TOP3B: variants seen among roughly 807,000 people sequenced by gnomAD.
TOP3B encodes the protein DNA topoisomerase 3-beta-1.
TOP3B carries 45 observed loss-of-function variants against 93.9 expected under a neutral mutation model. That is an observed-to-expected ratio of 0.48 (90% CI 0.38 to 0.61). The LOEUF (loss-of-function observed/expected upper bound fraction) is 0.61. TOP3B is among the 20% of genes least tolerant of loss of function. The probability of loss-of-function intolerance (pLI) is 0.00; values close to 1 mark genes in which losing one functional copy is unlikely to be tolerated. For missense variants in TOP3B, 750 were observed against 1,156.1 expected (o/e 0.65, Z 5.09); for synonymous variants, 357 against 472.6 (o/e 0.76, Z 3.17).
rs1224616616 is a variant in TOP3B at position 21,982,756 on chromosome 22, C to G, written c.-125G>C. The G allele has an allele frequency of 6.6e-6, 1 of 152,258 alleles. No homozygotes were observed. The highest frequency in any genetic ancestry group is 1.5e-5 in the Non-Finnish European group (1 of 68,048). 9.4% of individuals were successfully genotyped at this position (152,258 alleles called of 1,614,324 possible). A position where few individuals can be genotyped will look rare whatever the true frequency, so the allele number is the denominator to read the frequency against. ...CACAGCCGCACCGCGGATCCAGCTC[C>G]GGTCCTTGTTCCCGGGGCGGCTACC... On this transcript the variant is annotated 5_prime_UTR_variant, in exon 1 of 18. Coordinates refer to ENST00000357179, the MANE Select transcript of TOP3B (RefSeq NM_001282112.2).
intron 8 of TOP3B, chr22:21,966,396 G>C (rs1041559529): frequency 6.6e-6 from 1 of 152,226 alleles, no homozygotes; most frequent in African/African-American, 2.4e-5. Context: ...AAGCTACAGG[G>C]ATGGCAAGTG....
rs777280018 is a variant in TOP3B at position 21,963,898 on chromosome 22, A to G, written c.1204+25T>C. On this transcript the variant is annotated intron_variant, in intron 11 of 17. Coordinates refer to ENST00000357179, the MANE Select transcript of TOP3B (RefSeq NM_001282112.2). This position sits in a 1 kb window ranked among gnomAD's most constrained non-coding sequence, Gnocchi z 4.8. Reference sequence around the variant, plus strand: ...CTCGCCCTTCCCTCCCTGGAAGCACACCGGGTATGGGATGAGAGCGGTACC... The same window carrying G: ...CTCGCCCTTCCCTCCCTGGAAGCACGCCGGGTATGGGATGAGAGCGGTACC... 2.5e-6 allele frequency: 4 copies of G among 1,610,012 alleles called. No individual in the cohort carries two copies. Among genetic ancestry groups the G allele is most frequent in the East Asian group, 4.5e-5 (2 of 44,848 alleles).
At chr22:21,959,464 C>G in intron 15 of TOP3B, 123 bp downstream of exon 15, 2 of 1,512,148 alleles carry the variant, frequency 1.3e-6, no homozygotes, top group African/African-American at 1.4e-5. Flanking sequence ...CTGACCTGGC[C>G]TACGGAGGCC....
chr22:21,981,074 A>C (rs760630881), intron 1 of TOP3B, among the ~76,000 whole-genome samples: 5 of 152,206 alleles, frequency 3.3e-5, no homozygotes, highest in Non-Finnish European at 7.4e-5. Context: ...GCAGAGGGGC[A>C]TTGTTCTGTG....
intron 1 of TOP3B, among the ~76,000 whole-genome samples, chr22:21,979,479 C>CT (rs2084570144): frequency 6.6e-6 from 1 of 152,068 alleles, no homozygotes; most frequent in Non-Finnish European, 1.5e-5. Flanking sequence ...CATGTGGACT[C>CT]TGAGTCCCCA....
chr22:21,968,139 T>G (rs2071488900), intron 7 of TOP3B: 3 of 249,034 alleles, frequency 1.2e-5, no homozygotes. Context: ...CGTAGCTCAC[T>G]GTAGCCTTGG....
At chr22:21,978,416 A>G (rs192712945) in intron 1 of TOP3B, among the ~76,000 whole-genome samples, 104 of 152,310 alleles carry the variant, frequency 6.8e-4, no homozygotes, top group African/African-American at 2.3e-3. Flanking sequence ...TCATCTTTAC[A>G]AAAAAGCAAA....
Position 21,970,194 on chromosome 22 carries a change from C to CGGGT in TOP3B, c.581+12_581+15dup. The CGGGT allele has an allele frequency of 4.4e-6, 7 of 1,606,386 alleles. No homozygotes were observed. The highest frequency in any genetic ancestry group is 5.9e-6 in the Non-Finnish European group (7 of 1,179,184). ...GAGTGAGGGTGTGCCCAGGACTCTG[C>CGGGT]GGGTGTGGCCAGCACCTGGTGAATG... On this transcript the variant is annotated intron_variant, in intron 6 of 17. Transcript: ENST00000357179. This position sits in a 1 kb window ranked among gnomAD's most constrained non-coding sequence, Gnocchi z 4.4.
In TOP3B at chr22:21,970,104, C is replaced by A. The variant is rs2071573047; in HGVS notation, c.581+106G>T. 7.7e-7 allele frequency: 1 copy of A among 1,306,396 alleles called. No homozygotes were observed. 80.9% of individuals were successfully genotyped at this position (1,306,396 alleles called of 1,614,324 possible). On this transcript the variant is annotated intron_variant, in intron 6 of 17. Coordinates refer to ENST00000357179, the MANE Select transcript of TOP3B (RefSeq NM_001282112.2). This position sits in a 1 kb window ranked among gnomAD's most constrained non-coding sequence, Gnocchi z 4.4. ...GTTGGTGAAATCCCCTGTTGCTCAT[C>A]CTGGCTCGAGGAGGCCTAGGGGCCC...
At chr22:21,960,151 G>T in intron 14 of TOP3B, 170 bp downstream of exon 14, 2 of 984,700 alleles carry the variant, frequency 2.0e-6, no homozygotes, top group Non-Finnish European at 3.0e-6. Flanking sequence ...GCTCTGGGCA[G>T]GTCCTGGGGG....
intron 1 of TOP3B, 139 bp from the exon 2 acceptor site, chr22:21,975,946 G>C (rs897437103): frequency 2.2e-6 from 1 of 454,538 alleles, no homozygotes; most frequent in Non-Finnish European, 3.4e-6. Flanking sequence ...AGGGAAACTT[G>C]AAGACATCTG....
At chr22:21,965,245 G>C (rs765755281) in intron 9 of TOP3B, 40 bp downstream of exon 9, 2 of 1,501,368 alleles carry the variant, frequency 1.3e-6, no homozygotes, top group East Asian at 4.9e-5. Context: ...ACCTGCCTCA[G>C]GAAGCCTTCT....
At chr22:21,964,974 C>T (rs187055896) in intron 9 of TOP3B, 194 of 236,494 alleles carry the variant, frequency 8.2e-4, no homozygotes, top group African/African-American at 4.0e-3. Flanking sequence ...ACCCCCTCCT[C>T]GTTACTAAGG....
chr22:21,971,995 T>A lies in TOP3B; in HGVS notation c.310-44A>T. Reference sequence around the variant, plus strand: ...TCACACGTACCTGCTGCAGACCCGGTCTGTGCCACCCGCCCCCAGTGCTCC... The same window carrying A: ...TCACACGTACCTGCTGCAGACCCGGACTGTGCCACCCGCCCCCAGTGCTCC... On this transcript the variant is annotated intron_variant, in intron 4 of 17. Transcript: ENST00000357179. This position sits in a 1 kb window ranked among gnomAD's most constrained non-coding sequence, Gnocchi z 4.6. 6.4e-7 allele frequency: 1 copy of A among 1,568,104 alleles called. No individual in the cohort carries two copies. Among genetic ancestry groups the A allele is most frequent in the Non-Finnish European group, 8.7e-7 (1 of 1,147,180 alleles).
chr22:21,975,331 G>A (rs1228137888), intron 2 of TOP3B: 4 of 262,654 alleles, frequency 1.5e-5, no homozygotes, highest in South Asian at 6.9e-5. Context: ...TCCTGGCTGC[G>A]TCTCCTTCCT....
chr22:21,964,424 G>T, intron 9 of TOP3B, 109 bp from the exon 10 acceptor site: 1 of 1,355,346 alleles, frequency 7.4e-7, no homozygotes, highest in Non-Finnish European at 1.0e-6. Context: ...CTCCTGGAGG[G>T]TGACGGTGGC....
At chr22:21,974,620 G>C (rs1176941176) in intron 2 of TOP3B, 132 bp from the exon 3 acceptor site, 2 of 1,019,032 alleles carry the variant, frequency 2.0e-6, no homozygotes, top group Admixed American at 5.7e-5. Flanking sequence ...ACGACATTCC[G>C]CAGACTGGTG....
rs952687427 is a variant in TOP3B at position 21,958,848 on chromosome 22, C to T, written c.1906-155G>A. The T allele has an allele frequency of 2.2e-5, 29 of 1,299,014 alleles. 1 individual carries two copies. The highest frequency in any genetic ancestry group is 5.5e-4 in the Middle Eastern group (2 of 3,632). The allele number at this position is 1,299,014 out of a possible 1,614,324, so 80.5% of individuals were successfully genotyped here. A position where few individuals can be genotyped will look rare whatever the true frequency, so the allele number is the denominator to read the frequency against. On this transcript the variant is annotated intron_variant, in intron 16 of 17. Transcript: ENST00000357179. Reference sequence around the variant, plus strand: ...GCATGAGTCTCTGGCTCTTGCTCCACGCGTGCAGAAAAGGCAGTTCTAAAA... The same window carrying T: ...GCATGAGTCTCTGGCTCTTGCTCCATGCGTGCAGAAAAGGCAGTTCTAAAA...
chr22:21,959,783 G>A (rs2071088346), intron 14 of TOP3B, 47 bp from the exon 15 acceptor site: 3 of 1,587,626 alleles, frequency 1.9e-6, no homozygotes, highest in African/African-American at 2.7e-5. Flanking sequence ...CTCGCACCCA[G>A]GGCCATGCCA....
Sources: allele counts gnomAD v4.1 joint callset (sites outside exome capture counted in the v4.1 genomes callset), GRCh38; gene constraint gnomAD v4.1.1; non-coding constraint Gnocchi (gnomAD v3.1); transcripts MANE v1.5; gene names NCBI Gene and HGNC (gene_info 2026-07-23, HGNC 2026-07-21).